Variants in LRP1B observed in about 807,000 individuals in gnomAD.
The protein encoded by LRP1B is LDL receptor related protein 1B.
A neutral mutation model predicts 556.6 loss-of-function variants in LRP1B; 217 were observed. That is an observed-to-expected ratio of 0.39 (90% confidence interval 0.35 to 0.44). The LOEUF (loss-of-function observed/expected upper bound fraction) is 0.44. Ranked by LOEUF, LRP1B falls within the 20% of genes least tolerant of loss-of-function variation. The pLI is 1.00. For synonymous variants in LRP1B, 2,047 were observed against 1,865.8 expected, an observed-to-expected ratio of 1.10 and a Z score of -2.50; for missense variants, 5,053 against 5,620.8, an observed-to-expected ratio of 0.90 and a Z score of 3.23.
intron 63 of LRP1B, among the ~76,000 whole-genome samples, chr2:140,450,278 G>A (rs1407178816): frequency 1.3e-5 from 2 of 152,060 alleles, no homozygotes; most frequent in Non-Finnish European, 2.9e-5. Context: ...TTACCCTACT[G>A]ATCACTACAT....
chr2:140,600,735 T>C lies in LRP1B; in HGVS notation c.6989+715A>G, dbSNP rs1384571205. Among the ~76,000 whole-genome samples, 7 of 150,872 alleles carry C rather than the reference T, an allele frequency of 4.6e-5. No individual in the cohort carries two copies. The East Asian group carries it at 1.4e-3, about 29-fold the overall frequency. On this transcript the variant is annotated intron_variant, in intron 42 of 90. Transcript: ENST00000389484. ...AGTGAAAGTCCATAGATAGGTATTT[T>C]TTTGTTCCTTACCTGTGCTTTGTTC... is the stretch of plus-strand genomic sequence containing the variant.
intron 2 of LRP1B, among the ~76,000 whole-genome samples, chr2:141,775,206 T>G (rs1695025049): frequency 6.6e-6 from 1 of 152,246 alleles, no homozygotes; most frequent in South Asian, 2.1e-4. Flanking sequence ...TCTCAACTTT[T>G]CATTGTCTTG....
chr2:140,364,944 AT>A lies in LRP1B; in HGVS notation c.11009-162del, dbSNP rs199738136. 3.2e-3 allele frequency among the ~76,000 whole-genome samples: 488 copies of A among 151,328 alleles called. 3 individuals are homozygous for A. Among genetic ancestry groups the A allele is most frequent in the African/African-American group, 0.011 (467 of 41,376 alleles). ...TAATACCAGGAACAAGTAATATTCAATTTTTTTTAATAACATGTATTCATTG... is the reference window on the plus strand; with the variant it reads ...TAATACCAGGAACAAGTAATATTCAATTTTTTTAATAACATGTATTCATTG... On this transcript the variant is annotated intron_variant, in intron 71 of 90. Coordinates refer to ENST00000389484, the MANE Select transcript of LRP1B (RefSeq NM_018557.3).
intron 57 of LRP1B, among the ~76,000 whole-genome samples, chr2:140,490,781 T>A (rs925628259): frequency 6.6e-6 from 1 of 152,076 alleles, no homozygotes; most frequent in Admixed American, 6.6e-5. Context: ...TTGCCATGGG[T>A]TCTTTGGGTC....
At chr2:141,326,230 A>T (rs774797798) in intron 3 of LRP1B, among the ~76,000 whole-genome samples, 7 of 152,084 alleles carry the variant, frequency 4.6e-5, no homozygotes, top group Non-Finnish European at 1.0e-4. Context: ...AGATAAGTTA[A>T]TTTTTTAACA....
chr2:140,303,054 G>C (rs947028111), intron 83 of LRP1B, among the ~76,000 whole-genome samples: 1 of 69,232 alleles, frequency 1.4e-5, no homozygotes, highest in Non-Finnish European at 3.2e-5. Context: ...TATATATATG[G>C]ACATACACAC....
intron 7 of LRP1B, among the ~76,000 whole-genome samples, chr2:141,086,590 G>C (rs962993629): frequency 1.3e-5 from 2 of 151,646 alleles, no homozygotes; most frequent in African/African-American, 2.4e-5. Flanking sequence ...GAACTAATGA[G>C]GATATTTTAA....
At chr2:141,233,716 A>G (rs1308710532) in intron 5 of LRP1B, among the ~76,000 whole-genome samples, 3 of 152,086 alleles carry the variant, frequency 2.0e-5, no homozygotes. Context: ...GGTGTATAAA[A>G]ACTTGTCATT....
At chr2:140,370,926 C>T (rs2105165926) in intron 70 of LRP1B, 84 bp from the exon 71 acceptor site, 3 of 1,411,564 alleles carry the variant, frequency 2.1e-6, no homozygotes, top group Non-Finnish European at 3.0e-6. Context: ...GCTTGTAATA[C>T]TAGAGCTTTA....
At chr2:141,127,700 C>T (rs1487321560) in intron 7 of LRP1B, among the ~76,000 whole-genome samples, 1 of 152,134 alleles carries the variant, frequency 6.6e-6, no homozygotes, top group Non-Finnish European at 1.5e-5. Context: ...ATATTAAATA[C>T]ATCCTCAACT....
At chr2:141,114,912 G>C (rs1922698) in intron 7 of LRP1B, among the ~76,000 whole-genome samples, 131,298 of 151,976 alleles carry the variant, frequency 0.86, 57,823 homozygotes, top group East Asian at 0.99. Flanking sequence ...TCAGGGGCAT[G>C]CCAAAGCTCT....
chr2:141,761,376 T>A lies in LRP1B; in HGVS notation c.205+48903A>T, dbSNP rs190154593. ...TCCTAAGTCAAAAAAAAAAAATACA[T>A]TGAAGTCTAGTTTATTATGTAGAAG... On this transcript the variant is annotated intron_variant, in intron 2 of 90. Transcript: ENST00000389484. Among the ~76,000 whole-genome samples, 299 of 149,714 alleles carry A rather than the reference T, an allele frequency of 2.0e-3. 1 individual carries two copies. Among genetic ancestry groups the A allele is most frequent in the Non-Finnish European group, 1.8e-3 (121 of 67,634 alleles).
intron 23 of LRP1B, chr2:140,898,389 G>A (rs918024888): frequency 1.5e-4 from 24 of 160,566 alleles, no homozygotes; most frequent in Admixed American, 1.1e-3. Flanking sequence ...TCTGGCAGCT[G>A]AGCCATAGCA....
chr2:141,886,555 T>G (rs1273271672), intron 1 of LRP1B, among the ~76,000 whole-genome samples: 1 of 152,184 alleles, frequency 6.6e-6, no homozygotes, highest in Admixed American at 6.5e-5. Context: ...AAGCTACTTT[T>G]GGGATAGAAA....
chr2:140,721,623 C>A (rs566427287), intron 35 of LRP1B, among the ~76,000 whole-genome samples: 14 of 141,442 alleles, frequency 9.9e-5, no homozygotes, highest in African/African-American at 3.7e-4. Flanking sequence ...TCTTGGCTCA[C>A]TGCAAGCTCC....
chr2:141,679,392 AC>A (rs1411683364), intron 2 of LRP1B, among the ~76,000 whole-genome samples: 1 of 152,202 alleles, frequency 6.6e-6, no homozygotes, highest in Admixed American at 6.5e-5. Context: ...GTAATAAATA[AC>A]AAATCTAGGA....
chr2:141,767,374 C>A (rs373850726), intron 2 of LRP1B, among the ~76,000 whole-genome samples: 3 of 152,034 alleles, frequency 2.0e-5, no homozygotes, highest in African/African-American at 7.2e-5. Flanking sequence ...GCAGCCACTT[C>A]TTAACCAAGC....
At chr2:140,869,278 C>A (rs1278909383) in intron 25 of LRP1B, among the ~76,000 whole-genome samples, 2 of 152,024 alleles carry the variant, frequency 1.3e-5, no homozygotes, top group African/African-American at 4.8e-5. Flanking sequence ...TACTTTATTC[C>A]TTTTGGTCAT....
At chr2:140,794,027 C>A (rs938908004) in intron 32 of LRP1B, among the ~76,000 whole-genome samples, 15 of 151,976 alleles carry the variant, frequency 9.9e-5, no homozygotes, top group African/African-American at 2.7e-4. Context: ...ACCTGGAAAT[C>A]TACTAGTTGT....
Sources: gnomAD v4.1 joint callset for allele counts (sites outside exome capture counted in the v4.1 genomes callset) on GRCh38, gnomAD v4.1.1 for gene constraint, MANE v1.5 for transcripts, NCBI Gene and HGNC (gene_info 2026-07-23, HGNC 2026-07-21) for gene names.